DLG4: variants seen among roughly 807,000 people sequenced by gnomAD.
DLG4 encodes discs large MAGUK scaffold protein 4, also known as disks large homolog 4.
Under a neutral mutation model 93.8 loss-of-function variants are expected in DLG4, and 7 were observed. That is an observed-to-expected ratio of 0.07 (90% CI 0.04 to 0.14). DLG4 has a LOEUF of 0.14. DLG4 is among the 10% of genes least tolerant of loss of function. The pLI, the probability that DLG4 is intolerant of heterozygous loss-of-function variation, is 1.00. For synonymous variants in DLG4, 341 were observed against 387.6 expected (o/e 0.88, Z 1.41); for missense variants, 545 against 992.9 (o/e 0.55, Z 6.06).
chr17:7,201,396 G>C (rs1366488202), intron 8 of DLG4, among the ~76,000 whole-genome samples: 1 of 152,168 alleles, frequency 6.6e-6, no homozygotes, highest in Admixed American at 6.5e-5. Context: ...TGTTATGACT[G>C]AGGGGGAGGA....
Position 7,202,761 on chromosome 17 carries a change from CCAA to C in DLG4, c.787+139_787+141del, listed in dbSNP as rs1373814486. The C allele has an allele frequency of 8.8e-6, 9 of 1,023,428 alleles. No individual in the cohort carries two copies. The South Asian group carries it at 1.7e-4, about 19-fold the overall frequency. The allele number at this position is 1,023,428 out of a possible 1,614,324, so 63.4% of individuals were successfully genotyped here. The stretch of plus-strand genomic sequence containing the variant: ...TGGTAATTGATTTTCCATCTCTTCT[CCAA>C]CAACAGCAAGGATCAGAGGTTGTGG... On this transcript the variant is annotated intron_variant, in intron 8 of 19. Coordinates refer to ENST00000399506, the MANE Select transcript of DLG4 (RefSeq NM_001321075.3).
chr17:7,194,515 C>T lies in DLG4; in HGVS notation c.1302-20G>A, dbSNP rs568299752. 7.6e-6 allele frequency: 12 copies of T among 1,588,512 alleles called. No individual in the cohort carries two copies. Among genetic ancestry groups the T allele is most frequent in the African/African-American group, 2.7e-5 (2 of 74,316 alleles). On this transcript the variant is annotated intron_variant, in intron 11 of 19. Coordinates refer to ENST00000399506, the MANE Select transcript of DLG4 (RefSeq NM_001321075.3). This position sits in a 1 kb window ranked among gnomAD's most constrained non-coding sequence, Gnocchi z 4.4. ...AGGGCCCTGGAGGGCAAGTGGCTAT[C>T]GGTCAGAGCCCAGCTGAGGACTCCA...
chr17:7,207,834 GC>G (rs1346311178), intron 2 of DLG4, among the ~76,000 whole-genome samples: 5 of 151,996 alleles, frequency 3.3e-5, no homozygotes, highest in Admixed American at 1.3e-4. Flanking sequence ...ACACATTCTT[GC>G]TTTAGGCTTT....
At chr17:7,205,129 C>G (rs531973762) in intron 2 of DLG4, 1 of 985,558 alleles carries the variant, frequency 1.0e-6, no homozygotes, top group South Asian at 4.7e-5. Flanking sequence ...CCTGAATAAC[C>G]TGCCTTCCTC....
At chr17:7,201,298 G>A (rs1253084600) in intron 8 of DLG4, among the ~76,000 whole-genome samples, 1 of 152,140 alleles carries the variant, frequency 6.6e-6, no homozygotes, top group Non-Finnish European at 1.5e-5. Context: ...TATTCTCCTT[G>A]TCTTGTTACA....
intron 1 of DLG4, chr17:7,211,633 C>T: frequency 1.0e-6 from 1 of 972,552 alleles, no homozygotes; most frequent in Non-Finnish European, 1.2e-6. Context: ...GGGGAGCGGG[C>T]CGGAGCCCAT....
At chr17:7,213,741 C>G (rs2070797390) in intron 1 of DLG4, 2 of 470,904 alleles carry the variant, frequency 4.2e-6, no homozygotes, top group Middle Eastern at 3.3e-4. Flanking sequence ...CTCCTCAAAT[C>G]GGCTGACTTC....
In DLG4 at chr17:7,196,987, C is replaced by A. The variant is rs998069776; in HGVS notation, c.853G>T (p.Ala285Ser). The change falls in exon 9 of 20, where the codon GCC becomes TCC. Residue 285 changes from alanine (A) to serine (S), a missense_variant. Physicochemically the swap from Ala to Ser is moderately conservative, Grantham distance 99. Coordinates refer to ENST00000399506, the MANE Select transcript of DLG4 (RefSeq NM_001321075.3). The surrounding 1 kb of genome is among the most constrained non-coding windows in gnomAD (Gnocchi z 8.3). ...SSYLGTDYPT[A>S]MTPTSPRRYS... The stretch of plus-strand genomic sequence containing the variant: ...CGCCGAGGGGAAGTGGGGGTCATGG[C>A]TGTGGGGTAGTCGGTGCCCAGGTAG... The A allele has an allele frequency of 6.2e-7, 1 of 1,613,712 alleles. No homozygotes were observed. Among genetic ancestry groups the A allele is most frequent in the Non-Finnish European group, 8.5e-7 (1 of 1,179,804 alleles).
At chr17:7,218,331 G>C (rs200484268), upstream of DLG4, 27 of 1,567,586 alleles carry the variant, frequency 1.7e-5, 1 homozygote, top group African/African-American at 3.3e-4. Context: ...GCCTCTCCAG[G>C]CACATCACCC....
At chr17:7,201,813 A>G (rs2070153511) in intron 8 of DLG4, among the ~76,000 whole-genome samples, 1 of 152,176 alleles carries the variant, frequency 6.6e-6, no homozygotes, top group Admixed American at 6.5e-5. Flanking sequence ...CCTGGGAGGC[A>G]GAGGTTGCAG....
At chr17:7,212,904 G>T (rs2070763057) in intron 1 of DLG4, among the ~76,000 whole-genome samples, 1 of 152,050 alleles carries the variant, frequency 6.6e-6, no homozygotes, top group Non-Finnish European at 1.5e-5. Context: ...GCGGTGGCAG[G>T]CGCCTGTAAT....
intron 1 of DLG4, among the ~76,000 whole-genome samples, chr17:7,214,223 A>AC (rs2070814778): frequency 6.6e-6 from 1 of 151,518 alleles, no homozygotes; most frequent in Non-Finnish European, 1.5e-5. Flanking sequence ...CTTTCCAAAG[A>AC]CCCCCGCGCC....
At chr17:7,199,383 T>C (rs1439989652) in intron 8 of DLG4, among the ~76,000 whole-genome samples, 1 of 151,968 alleles carries the variant, frequency 6.6e-6, no homozygotes. Flanking sequence ...GTATTTTTAG[T>C]AGAGACGGGG....
In DLG4 at chr17:7,194,876, G is replaced by A. The variant is rs1004715119; in HGVS notation, c.1302-381C>T. Among the ~76,000 whole-genome samples the A allele has an allele frequency of 2.0e-5, 3 of 151,896 alleles. No individual in the cohort carries two copies. Among genetic ancestry groups the A allele is most frequent in the Admixed American group, 6.6e-5 (1 of 15,250 alleles). On this transcript the variant is annotated intron_variant, in intron 11 of 19. Transcript: ENST00000399506. This position sits in a 1 kb window ranked among gnomAD's most constrained non-coding sequence, Gnocchi z 4.4. The stretch of plus-strand genomic sequence containing the variant: ...CTACTAAAAATACAAAATATTAGCC[G>A]GGCACGGTGGCGGGTGCCTGTATTC...
Position 7,208,122 on chromosome 17 carries a change from CG to C in DLG4, c.96+51del. ...TGGCCCACGACCCCGTGGCCAGCCT[CG>C]AGGTGGGACAAGTTCCTCTCCGCCA... On this transcript the variant is annotated intron_variant, in intron 2 of 19. Transcript: ENST00000399506. This position sits in a 1 kb window ranked among gnomAD's most constrained non-coding sequence, Gnocchi z 5.4. 1 of 1,320,292 alleles carries C rather than the reference CG, an allele frequency of 7.6e-7. No individual in the cohort carries two copies. Among genetic ancestry groups the C allele is most frequent in the South Asian group, 2.9e-5 (1 of 34,910 alleles). 81.8% of individuals were successfully genotyped at this position (1,320,292 alleles called of 1,614,324 possible).
At chr17:7,215,595 T>A (rs2070875861) in intron 1 of DLG4, among the ~76,000 whole-genome samples, 1 of 151,930 alleles carries the variant, frequency 6.6e-6, no homozygotes, top group Non-Finnish European at 1.5e-5. Flanking sequence ...CTACAGGGGA[T>A]GTGGGGAAGA....
chr17:7,192,004 TG>T lies in DLG4; in HGVS notation c.1867-3del. On this transcript the variant is annotated splice_region_variant and splice_polypyrimidine_tract_variant and intron_variant, in intron 17 of 19. Coordinates refer to ENST00000399506, the MANE Select transcript of DLG4 (RefSeq NM_001321075.3). ...GACATCGAGGATGCAGTGCTTCCCCTGGGGGCAGGCAGGGTGGGCGGAGGGG... is the reference window on the plus strand; with the variant it reads ...GACATCGAGGATGCAGTGCTTCCCCTGGGGCAGGCAGGGTGGGCGGAGGGG... The T allele has an allele frequency of 1.5e-6, 2 of 1,378,624 alleles. No homozygotes were observed. Among genetic ancestry groups the T allele is most frequent in the Admixed American group, 2.8e-5 (1 of 36,242 alleles). 85.4% of individuals were successfully genotyped at this position (1,378,624 alleles called of 1,614,324 possible). A position where few individuals can be genotyped will look rare whatever the true frequency, so the allele number is the denominator to read the frequency against.
In DLG4 at chr17:7,191,976, C is replaced by T. The variant is rs375777526; in HGVS notation, c.1893G>A (p.Ser631=). 93 of 1,461,078 alleles carry T rather than the reference C, an allele frequency of 6.4e-5. No individual in the cohort carries two copies. The South Asian group carries it at 1.2e-3, about 19-fold the overall frequency. 90.5% of individuals were successfully genotyped at this position (1,461,078 alleles called of 1,614,324 possible). Residue 631 remains serine (S), a synonymous_variant, in exon 18 of 20, where the codon TCG becomes TCA. Coordinates refer to ENST00000399506, the MANE Select transcript of DLG4 (RefSeq NM_001321075.3). This position sits in a 1 kb window ranked among gnomAD's most constrained non-coding sequence, Gnocchi z 6.6. The part of the protein sequence containing the change: ...EQGKHCILDV[S]ANAVRRLQAA... ...CCTGCAGCCGCCGCACGGCATTGGC[C>T]GAGACATCGAGGATGCAGTGCTTCC...
At chr17:7,219,067 A>C, upstream of DLG4, 1 of 604,796 alleles carries the variant, frequency 1.7e-6, no homozygotes, top group Non-Finnish European at 2.9e-6. Flanking sequence ...CGCTCTCCTG[A>C]GAAGCCAGCA....
Sources: gnomAD v4.1 joint callset for allele counts (sites outside exome capture counted in the v4.1 genomes callset) on GRCh38, gnomAD v4.1.1 for gene constraint, Gnocchi (gnomAD v3.1) non-coding constraint, MANE v1.5 for transcripts, NCBI Gene and HGNC (gene_info 2026-07-23, HGNC 2026-07-21) for gene names.